Variants in ZNF799 observed in about 807,000 individuals in gnomAD.
ZNF799 encodes zinc finger protein 14.
A neutral mutation model predicts 41.0 loss-of-function variants in ZNF799; 28 were observed. The ratio of observed to expected loss-of-function variants is 0.68; its 90% CI spans 0.51 to 0.94. The LOEUF (loss-of-function observed/expected upper bound fraction) is 0.94. Ranked by LOEUF, ZNF799 falls within the 40% of genes least tolerant of loss-of-function variation. The probability of loss-of-function intolerance (pLI) is 0.00; values close to 1 mark genes in which losing one functional copy is unlikely to be tolerated. For missense variants in ZNF799, 716 were observed against 764.3 expected, an observed-to-expected ratio of 0.94 and a Z score of 0.74; for synonymous variants, 213 against 252.9, an observed-to-expected ratio of 0.84 and a Z score of 1.50.
Position 12,394,717 on chromosome 19 carries a change from A to C in ZNF799, c.4-1294T>G, listed in dbSNP as rs933755404. ...TAGAAAGAACTCAGTGTCATCTCTC[A>C]TGAATATTTATAATACTTACTAAGA... On this transcript the variant is annotated intron_variant, in intron 1 of 3. Transcript: ENST00000430385. 6.0e-5 allele frequency: 59 copies of C among 985,282 alleles called. No individual in the cohort carries two copies. The African/African-American group carries it at 1.0e-3, about 17-fold the overall frequency. 61.0% of individuals were successfully genotyped at this position (985,282 alleles called of 1,614,324 possible).
Position 12,401,263 on chromosome 19 carries a change from C to T in ZNF799, c.-193G>A. On this transcript the variant is annotated 5_prime_UTR_variant, in exon 1 of 4. Transcript: ENST00000430385. The stretch of plus-strand genomic sequence containing the variant: ...CCACACACTCCTCTGGGAAGCGCGC[C>T]TGATTGACAGTTCCCACGAACCCGC... 1 of 1,385,192 alleles carries T rather than the reference C, an allele frequency of 7.2e-7. No individual in the cohort carries two copies. Among genetic ancestry groups the T allele is most frequent in the Non-Finnish European group, 9.5e-7 (1 of 1,048,844 alleles). 85.8% of individuals were successfully genotyped at this position (1,385,192 alleles called of 1,614,324 possible).
the ZNF799 span, among the ~76,000 whole-genome samples, chr19:12,411,049 G>A: frequency 6.6e-6 from 1 of 152,224 alleles, no homozygotes; most frequent in African/African-American, 2.4e-5. Context: ...GAGAAGCAGA[G>A]AGAAATCATG....
At chr19:12,401,873 T>C (rs1002230480), upstream of ZNF799, among the ~76,000 whole-genome samples, 1 of 152,050 alleles carries the variant, frequency 6.6e-6, no homozygotes, top group Admixed American at 6.6e-5. Context: ...CGCGCCTGGC[T>C]CCAATTATAC....
At chr19:12,404,249 A>G (rs1432394570), upstream of ZNF799, among the ~76,000 whole-genome samples, 1 of 152,150 alleles carries the variant, frequency 6.6e-6, no homozygotes, top group Non-Finnish European at 1.5e-5. Flanking sequence ...TGTTCTGTAA[A>G]TATCTATTAG....
Position 12,391,119 on chromosome 19 carries a change from C to T in ZNF799, c.1279G>A (p.Gly427Ser). The change falls in exon 4 of 4, where the codon GGC becomes AGC. Residue 427 changes from glycine to serine, a missense_variant. By Grantham distance (56) the Gly-to-Ser change is moderately conservative. Around this residue, in one of 2 missense-constraint regions of ZNF799, gnomAD observed 698 missense variants for 713.6 expected, o/e 0.98. Coordinates refer to ENST00000430385, the MANE Select transcript of ZNF799 (RefSeq NM_001080821.3). Reference protein sequence around the residue: ...AEKPYKCKQCGKAYRISSSLR... With the variant: ...AEKPYKCKQCSKAYRISSSLR... Reference sequence around the variant, plus strand: ...GAACTGGAAATACGGTAGGCTTTGCCACATTGTTTACATTTATAGGGTTTC... The same window carrying T: ...GAACTGGAAATACGGTAGGCTTTGCTACATTGTTTACATTTATAGGGTTTC... 1 of 1,614,124 alleles carries T rather than the reference C, an allele frequency of 6.2e-7. No homozygotes were observed. The highest frequency in any genetic ancestry group is 8.5e-7 in the Non-Finnish European group (1 of 1,180,008).
Position 12,401,112 on chromosome 19 carries a change from C to A in ZNF799, c.-42G>T. 1 of 1,613,528 alleles carries A rather than the reference C, an allele frequency of 6.2e-7. No individual in the cohort carries two copies. The highest frequency in any genetic ancestry group is 8.5e-7 in the Non-Finnish European group (1 of 1,179,766). Reference sequence around the variant, plus strand: ...TGTCCCAGGTCCTCCGGACGGCTCCCGCTGCCAATGCGGGTTCCCGCGGGA... The same window carrying A: ...TGTCCCAGGTCCTCCGGACGGCTCCAGCTGCCAATGCGGGTTCCCGCGGGA... On this transcript the variant is annotated 5_prime_UTR_variant, in exon 1 of 4. Transcript: ENST00000430385.
chr19:12,394,470 C>T, intron 1 of ZNF799: 1 of 601,998 alleles, frequency 1.7e-6, no homozygotes, highest in Non-Finnish European at 2.1e-6. Context: ...GATAACATTT[C>T]ACGTTTTGTT....
At chr19:12,414,178 C>A in the ZNF799 span, among the ~76,000 whole-genome samples, 1 of 152,126 alleles carries the variant, frequency 6.6e-6, no homozygotes, top group African/African-American at 2.4e-5. Context: ...CCCCACCCCA[C>A]GTCCCTGATT....
At chr19:12,407,729 G>A in the ZNF799 span, among the ~76,000 whole-genome samples, 1 of 152,088 alleles carries the variant, frequency 6.6e-6, no homozygotes, top group Non-Finnish European at 1.5e-5. Context: ...GATGTTATCT[G>A]GGATACGAGG....
At position 12,391,756 on chromosome 19, in the gene ZNF799, C is replaced by T. The variant is rs1202368310; in HGVS notation, c.642G>A (p.Met214Ile). 6.2e-7 allele frequency: 1 copy of T among 1,614,142 alleles called. No homozygotes were observed. Among genetic ancestry groups the T allele is most frequent in the South Asian group, 1.1e-5 (1 of 91,076 alleles). The change falls in exon 4 of 4, where the codon ATG becomes ATA. Residue 214 changes from methionine to isoleucine, a missense_variant. Met to Ile is a conservative substitution (Grantham distance 10, BLOSUM62 1). This residue lies in a region of ZNF799 where 698 missense variants were observed against 713.6 expected (regional missense o/e 0.98). Transcript: ENST00000430385. ...KAFFWPSLLH[M>I]HERTHTGEKP... The stretch of plus-strand genomic sequence containing the variant: ...TCTCTCCAGTGTGCGTTCTCTCATG[C>T]ATATGTAATAAACTGGGCCAAAAAA...
In ZNF799 at chr19:12,390,439, C is replaced by T. The variant is rs981155550; in HGVS notation, c.*27G>A. 3 of 1,609,714 alleles carry T rather than the reference C, an allele frequency of 1.9e-6. No homozygotes were observed. The highest frequency in any genetic ancestry group is 2.7e-5 in the African/African-American group (2 of 74,552). On this transcript the variant is annotated 3_prime_UTR_variant, in exon 4 of 4. Coordinates refer to ENST00000430385, the MANE Select transcript of ZNF799 (RefSeq NM_001080821.3). ...TGAAATAAAATTAATAAATGCTTTCCCACATTCCATACATTTAGAGAGAAT... is the reference window on the plus strand; with the variant it reads ...TGAAATAAAATTAATAAATGCTTTCTCACATTCCATACATTTAGAGAGAAT...
At chr19:12,404,043 T>C (rs1209163847), upstream of ZNF799, among the ~76,000 whole-genome samples, 1 of 152,220 alleles carries the variant, frequency 6.6e-6, no homozygotes, top group Non-Finnish European at 1.5e-5. Flanking sequence ...TTAATTTCCA[T>C]ATGTTTGTAT....
chr19:12,391,294 C>T lies in ZNF799; in HGVS notation c.1104G>A (p.Lys368=), dbSNP rs1361399515. ...THTGEKLYEC[K]QCGKALSHSS... is the part of the protein sequence containing the mutation. ...TATGAGATAACGCTTTCCCACACTG[C>T]TTGCATTCATAGAGTTTCTCTCCAG... Residue 368 remains lysine, a synonymous_variant, in exon 4 of 4, where the codon AAG becomes AAA. Coordinates refer to ENST00000430385, the MANE Select transcript of ZNF799 (RefSeq NM_001080821.3). 6 of 1,614,008 alleles carry T rather than the reference C, an allele frequency of 3.7e-6. No homozygotes were observed. Among genetic ancestry groups the T allele is most frequent in the Non-Finnish European group, 5.1e-6 (6 of 1,179,998 alleles).
rs770241906 is a variant in ZNF799 at position 12,390,812 on chromosome 19, T to A, written c.1586A>T (p.Glu529Val). 1.2e-6 allele frequency: 2 copies of A among 1,614,198 alleles called. No homozygotes were observed. The highest frequency in any genetic ancestry group is 1.7e-6 in the Non-Finnish European group (2 of 1,180,010). ...LKVHERIHSG[E>V]KPYECKECGK... is the part of the protein sequence containing the mutation. ...ACATTCCTTACATTCATACGGCTTCTCTCCAGAGTGAATTCTTTCATGTAC... is the reference window on the plus strand; with the variant it reads ...ACATTCCTTACATTCATACGGCTTCACTCCAGAGTGAATTCTTTCATGTAC... Residue 529 changes from glutamate to valine, a missense_variant, in exon 4 of 4, where the codon GAG (glutamate) becomes GTG (valine). Coordinates refer to ENST00000430385, the MANE Select transcript of ZNF799 (RefSeq NM_001080821.3).
rs1177554827 is a variant in ZNF799, at chr19:12,390,993, T to C, written c.1405A>G (p.Thr469Ala). The change falls in exon 4 of 4, where the codon ACT (threonine) becomes GCT (alanine). Residue 469 changes from threonine (T) to alanine (A), a missense_variant. Coordinates refer to ENST00000430385, the MANE Select transcript of ZNF799 (RefSeq NM_001080821.3). ...TCATATGGCTTCTCTCCAGCATGAG[T>C]TGTTTTGTGATTTTGAAAGGAATAG... ...DFYSFQNHKTTHAGEKPYECK... is the reference protein window; with the variant it reads ...DFYSFQNHKTAHAGEKPYECK... 11 of 1,614,122 alleles carry C rather than the reference T, an allele frequency of 6.8e-6. No individual in the cohort carries two copies. Among genetic ancestry groups the C allele is most frequent in the East Asian group, 2.2e-5 (1 of 44,870 alleles).
the ZNF799 span, among the ~76,000 whole-genome samples, chr19:12,412,324 A>G: frequency 6.6e-6 from 1 of 152,132 alleles, no homozygotes; most frequent in South Asian, 2.1e-4. Context: ...ATGTAACTCA[A>G]GACCGCTAAC....
At chr19:12,395,586 T>G (rs1190443410) in intron 1 of ZNF799, among the ~76,000 whole-genome samples, 2 of 152,084 alleles carry the variant, frequency 1.3e-5, no homozygotes, top group Non-Finnish European at 2.9e-5. Flanking sequence ...GTAGACCAAC[T>G]AAGTCATGGA....
chr19:12,392,999 TTC>T (rs761740923), intron 2 of ZNF799, among the ~76,000 whole-genome samples: 11 of 151,814 alleles, frequency 7.2e-5, no homozygotes, highest in Non-Finnish European at 1.2e-4. Context: ...TTTTAACACT[TTC>T]TGTTTCTAGC....
rs533767760 is a variant in ZNF799 at position 12,401,164 on chromosome 19, C to G, written c.-94G>C. The stretch of plus-strand genomic sequence containing the variant: ...ACAGGCTGCCACGGAACTTCCAGGT[C>G]GTCTCTTAGCTACAGAGCCGAGCAC... On this transcript the variant is annotated 5_prime_UTR_variant, in exon 1 of 4. Coordinates refer to ENST00000430385, the MANE Select transcript of ZNF799 (RefSeq NM_001080821.3). The G allele has an allele frequency of 1.3e-5, 21 of 1,606,370 alleles. No individual in the cohort carries two copies. The highest frequency in any genetic ancestry group is 1.7e-5 in the Non-Finnish European group (20 of 1,177,468).
Sources: gnomAD v4.1 joint callset for allele counts (sites outside exome capture counted in the v4.1 genomes callset) on GRCh38, gnomAD v4.1.1 for gene constraint, gnomAD v4.1.1 regional missense constraint, MANE v1.5 for transcripts, NCBI Gene and HGNC (gene_info 2026-07-23, HGNC 2026-07-21) for gene names.